SDK1: variants seen among roughly 807,000 people sequenced by gnomAD.
The protein encoded by SDK1 is protein sidekick-1.
A neutral mutation model predicts 245.5 loss-of-function variants in SDK1; 157 were observed. The observed-to-expected ratio is 0.64, with a 90% CI of 0.56 to 0.73. The LOEUF is 0.73. Ranked by LOEUF, SDK1 falls within the 30% of genes least tolerant of loss-of-function variation. The probability of loss-of-function intolerance (pLI) is 0.00; values close to 1 mark genes in which losing one functional copy is unlikely to be tolerated. For missense variants in SDK1, 3,583 were observed against 3,002.3 expected (o/e 1.19, Z -4.52); for synonymous variants, 1,647 against 1,278.5 (o/e 1.29, Z -6.15).
intron 31 of SDK1, among the ~76,000 whole-genome samples, chr7:4,159,098 A>G (rs536849941): frequency 6.6e-6 from 1 of 152,340 alleles, no homozygotes; most frequent in East Asian, 1.9e-4. Context: ...GGTGGGATGG[A>G]AAAGAGTGGA....
chr7:3,674,816 A>C (rs1445991203), intron 4 of SDK1, among the ~76,000 whole-genome samples: 5 of 152,092 alleles, frequency 3.3e-5, no homozygotes, highest in Non-Finnish European at 5.9e-5. Context: ...GATCCACAAG[A>C]TTGGCTCTGT....
chr7:4,053,011 C>G (rs1778973304), intron 19 of SDK1, among the ~76,000 whole-genome samples: 1 of 148,308 alleles, frequency 6.7e-6, no homozygotes, highest in African/African-American at 2.5e-5. Context: ...CACTTGAACC[C>G]AGGAGGCAGA....
At chr7:3,948,648 A>G (rs888727125) in intron 5 of SDK1, among the ~76,000 whole-genome samples, 4 of 152,146 alleles carry the variant, frequency 2.6e-5, no homozygotes, top group African/African-American at 7.2e-5. Flanking sequence ...TGATGGATGG[A>G]TGTGTGCGGT....
chr7:4,161,910 C>G, intron 32 of SDK1, 54 bp downstream of exon 32: 5 of 1,489,566 alleles, frequency 3.4e-6, no homozygotes, highest in Non-Finnish European at 4.7e-6. Context: ...CATTTCCCTG[C>G]GCATTCAGCC....
intron 37 of SDK1, among the ~76,000 whole-genome samples, chr7:4,209,313 G>A (rs1784394104): frequency 6.6e-6 from 1 of 152,156 alleles, no homozygotes; most frequent in Admixed American, 6.5e-5. Flanking sequence ...CACTTCACAG[G>A]CACTTCTGAG....
intron 1 of SDK1, among the ~76,000 whole-genome samples, chr7:3,326,919 G>T (rs748007469): frequency 2.6e-5 from 4 of 151,664 alleles, no homozygotes; most frequent in Non-Finnish European, 4.4e-5. Flanking sequence ...ATACTTACTG[G>T]GTACAAAGTG....
At chr7:4,167,663 G>T (rs1049109661) in intron 32 of SDK1, among the ~76,000 whole-genome samples, 18 of 152,222 alleles carry the variant, frequency 1.2e-4, no homozygotes, top group African/African-American at 4.1e-4. Context: ...GCTGAGGCCT[G>T]GCCCAGGTGC....
At chr7:3,511,920 C>T (rs1782592897) in intron 1 of SDK1, among the ~76,000 whole-genome samples, 1 of 149,502 alleles carries the variant, frequency 6.7e-6, no homozygotes, top group African/African-American at 2.5e-5. Flanking sequence ...TCACCATCCC[C>T]CACCGGAGTG....
At chr7:4,077,461 C>T (rs563888247) in intron 21 of SDK1, among the ~76,000 whole-genome samples, 2 of 152,308 alleles carry the variant, frequency 1.3e-5, no homozygotes, top group African/African-American at 4.8e-5. Flanking sequence ...TGTTTAAAGC[C>T]AGTTCCCAAT....
At chr7:4,126,491 C>G (rs553648731) in intron 25 of SDK1, among the ~76,000 whole-genome samples, 44 of 152,272 alleles carry the variant, frequency 2.9e-4, no homozygotes, top group African/African-American at 1.1e-3. Flanking sequence ...GAGGCCGAGG[C>G]GGACAAATCA....
chr7:3,990,093 G>A (rs1381809418), intron 14 of SDK1, among the ~76,000 whole-genome samples: 1 of 152,254 alleles, frequency 6.6e-6, no homozygotes, highest in Non-Finnish European at 1.5e-5. Flanking sequence ...GCGTTGGTCT[G>A]TGTGGACGTG....
chr7:3,952,419 C>G (rs1780908184), intron 7 of SDK1, among the ~76,000 whole-genome samples: 1 of 152,100 alleles, frequency 6.6e-6, no homozygotes. Flanking sequence ...CCCGTCTCTA[C>G]TAAAAATACA....
At chr7:3,321,994 T>C (rs1293214214) in intron 1 of SDK1, among the ~76,000 whole-genome samples, 1 of 147,010 alleles carries the variant, frequency 6.8e-6, no homozygotes, top group Admixed American at 6.9e-5. Flanking sequence ...TCATTTTTAT[T>C]AGCTTCTTTC....
chr7:3,436,697 T>C (rs1299518233), intron 1 of SDK1, among the ~76,000 whole-genome samples: 1 of 152,202 alleles, frequency 6.6e-6, no homozygotes, highest in Non-Finnish European at 1.5e-5. Context: ...TGAAGGTGAC[T>C]GAACCTTAAA....
intron 1 of SDK1, among the ~76,000 whole-genome samples, chr7:3,398,070 G>T (rs906363324): frequency 2.0e-5 from 3 of 152,016 alleles, no homozygotes; most frequent in Admixed American, 6.6e-5. Context: ...TATCTGGCTT[G>T]TAGGTTTAAC....
intron 21 of SDK1, among the ~76,000 whole-genome samples, chr7:4,077,663 T>G (rs994417975): frequency 2.6e-5 from 4 of 152,142 alleles, no homozygotes; most frequent in Admixed American, 2.6e-4. Flanking sequence ...AAGTCATGTA[T>G]TACATGGATG....
chr7:3,613,217 C>T (rs73298214), intron 1 of SDK1, among the ~76,000 whole-genome samples: 1,536 of 152,142 alleles, frequency 0.01, 38 homozygotes, highest in African/African-American at 0.035. Context: ...TTAGGGAAGC[C>T]GGGGGACGCA....
intron 20 of SDK1, among the ~76,000 whole-genome samples, chr7:4,073,725 G>A (rs1340022079): frequency 6.6e-6 from 1 of 152,202 alleles, no homozygotes; most frequent in Non-Finnish European, 1.5e-5. Flanking sequence ...TCAGGAGGAG[G>A]TGCTGGAGGA....
intron 5 of SDK1, among the ~76,000 whole-genome samples, chr7:3,856,020 T>A (rs1158890513): frequency 6.6e-6 from 1 of 152,178 alleles, no homozygotes; most frequent in East Asian, 1.9e-4. Context: ...AATCTAAATG[T>A]TTATTATTGA....
Sources: allele counts gnomAD v4.1 joint callset (sites outside exome capture counted in the v4.1 genomes callset), GRCh38; gene constraint gnomAD v4.1.1; transcripts MANE v1.5; gene names NCBI Gene and HGNC (gene_info 2026-07-23, HGNC 2026-07-21).